MS4A6E: variants seen among roughly 807,000 people sequenced by gnomAD.
MS4A6E encodes the protein membrane spanning 4-domains A6E.
A neutral mutation model predicts 13.2 loss-of-function variants in MS4A6E; 8 were observed. That is an observed-to-expected ratio of 0.60 (90% confidence interval 0.35 to 1.09). MS4A6E has a LOEUF of 1.09. Among genes scored for constraint, MS4A6E ranks in the 50% least tolerant of loss-of-function variants. The pLI, the probability that MS4A6E is intolerant of heterozygous loss-of-function variation, is 0.02. For missense variants in MS4A6E, 177 were observed against 171.1 expected (o/e 1.03, Z -0.19); for synonymous variants, 72 against 67.6 (o/e 1.06, Z -0.32).
chr11:60,330,699 T>C (rs1242718609), intron 1 of MS4A6E, among the ~76,000 whole-genome samples: 2 of 152,216 alleles, frequency 1.3e-5, no homozygotes, highest in East Asian at 1.9e-4. Flanking sequence ...CCTATGCCTA[T>C]GTCCTGAATG....
chr11:60,337,649 A>T, intron 2 of MS4A6E, 92 bp from the exon 3 acceptor site: 1 of 1,481,808 alleles, frequency 6.7e-7, no homozygotes, highest in South Asian at 1.2e-5. Flanking sequence ...AGGGAGACAG[A>T]TAAGGGAATA....
At chr11:60,340,002 T>A in intron 4 of MS4A6E, 38 bp downstream of exon 4, 1 of 1,607,192 alleles carries the variant, frequency 6.2e-7, no homozygotes, top group Non-Finnish European at 8.5e-7. Flanking sequence ...TCTTGCCTAG[T>A]GTATCTTATC....
chr11:60,340,004 T>C (rs770049775), intron 4 of MS4A6E, 40 bp downstream of exon 4: 3 of 1,606,340 alleles, frequency 1.9e-6, no homozygotes, highest in African/African-American at 2.7e-5. Context: ...TTGCCTAGTG[T>C]ATCTTATCTC....
At chr11:60,330,786 T>C (rs2085150520) in intron 1 of MS4A6E, among the ~76,000 whole-genome samples, 1 of 152,238 alleles carries the variant, frequency 6.6e-6, no homozygotes, top group African/African-American at 2.4e-5. Flanking sequence ...CTTGAGTTAA[T>C]TTTTGAATAA....
rs192111703 is a variant in MS4A6E at position 60,347,654 on chromosome 11, G to A, written c.*162+6726G>A. 1.4e-3 allele frequency among the ~76,000 whole-genome samples: 210 copies of A among 151,884 alleles called. 2 individuals are homozygous for A. The highest frequency in any genetic ancestry group is 0.012 in the Admixed American group (185 of 15,260). ...CACAGGGTGGAGGCGAAGACAGTGA[G>A]GGCATCCACCCTACTGTTTTCTCTC... is the stretch of plus-strand genomic sequence containing the variant. On this transcript the variant is annotated intron_variant and NMD_transcript_variant, in intron 4 of 4. Transcript: ENST00000532756.
chr11:60,341,915 A>G (rs1222073877), downstream of MS4A6E, among the ~76,000 whole-genome samples: 1 of 152,118 alleles, frequency 6.6e-6, no homozygotes, highest in Non-Finnish European at 1.5e-5. Flanking sequence ...ACTTTTATTG[A>G]TACTTATTGG....
chr11:60,343,315 C>CT (rs2085240268), downstream of MS4A6E, among the ~76,000 whole-genome samples: 1 of 152,112 alleles, frequency 6.6e-6, no homozygotes, highest in Non-Finnish European at 1.5e-5. Context: ...GCTTACTTTA[C>CT]TAGACGCGTT....
chr11:60,339,221 T>C (rs2085208316), intron 3 of MS4A6E, among the ~76,000 whole-genome samples: 1 of 152,188 alleles, frequency 6.6e-6, no homozygotes, highest in East Asian at 1.9e-4. Flanking sequence ...TGTTGGTGAT[T>C]AGCAACAGTT....
At chr11:60,347,707 T>A (rs2085262486) in intron 4 of MS4A6E, among the ~76,000 whole-genome samples, 1 of 152,134 alleles carries the variant, frequency 6.6e-6, no homozygotes. Context: ...CAGCACCTTG[T>A]TAAATGTGCT....
At chr11:60,330,800 G>A (rs551328321) in intron 1 of MS4A6E, among the ~76,000 whole-genome samples, 21 of 152,278 alleles carry the variant, frequency 1.4e-4, no homozygotes, top group African/African-American at 4.1e-4. Flanking sequence ...TGAATAAGCT[G>A]TAAGGAAGTG....
downstream of MS4A6E, among the ~76,000 whole-genome samples, chr11:60,342,172 TGTGTGTGAGA>T (rs1323171741): frequency 1.3e-4 from 4 of 31,708 alleles, no homozygotes; most frequent in Non-Finnish European, 2.6e-4. Flanking sequence ...TGTGTGTGTG[TGTGTGTGAGA>T]GAGAGAGAGA....
chr11:60,348,933 A>G (rs1373063), intron 4 of MS4A6E, among the ~76,000 whole-genome samples: 152,012 of 152,290 alleles, frequency 1, 75,868 homozygotes, highest in Middle Eastern at 1. Flanking sequence ...ATTGAGGTCC[A>G]CTTCTATACT....
chr11:60,328,518 CTG>C (rs1315473734), intron 1 of MS4A6E, among the ~76,000 whole-genome samples: 1 of 136,710 alleles, frequency 7.3e-6, no homozygotes, highest in East Asian at 2.1e-4. Flanking sequence ...AATGGATAAA[CTG>C]TGAGATACAC....
chr11:60,336,419 C>T (rs1187038251), intron 2 of MS4A6E, among the ~76,000 whole-genome samples: 2 of 152,038 alleles, frequency 1.3e-5, no homozygotes, highest in African/African-American at 4.8e-5. Flanking sequence ...ATATATGGGC[C>T]TCTTACTCCA....
intron 3 of MS4A6E, among the ~76,000 whole-genome samples, chr11:60,339,359 T>C (rs895964205): frequency 1.3e-5 from 2 of 152,222 alleles, no homozygotes; most frequent in African/African-American, 2.4e-5. Context: ...TACTGAATTT[T>C]ACAAAGGGCT....
intron 3 of MS4A6E, 63 bp downstream of exon 3, chr11:60,338,010 T>C: frequency 6.6e-7 from 1 of 1,509,892 alleles, no homozygotes; most frequent in African/African-American, 1.4e-5. Flanking sequence ...TGATTTCTTA[T>C]TATTCCATCC....
At chr11:60,334,683 T>C (rs2304936) in intron 1 of MS4A6E, 199 bp from the exon 2 acceptor site, 173,652 of 583,340 alleles carry the variant, frequency 0.3, 29,596 homozygotes, top group Admixed American at 0.35. Flanking sequence ...TTATTATCTA[T>C]AATGGACTGT....
At chr11:60,333,090 G>A (rs1231900491) in intron 1 of MS4A6E, among the ~76,000 whole-genome samples, 1 of 152,224 alleles carries the variant, frequency 6.6e-6, no homozygotes, top group Non-Finnish European at 1.5e-5. Context: ...TTGTGAAATA[G>A]CTTATGCTGA....
chr11:60,327,714 A>G (rs2085128536), intron 1 of MS4A6E, among the ~76,000 whole-genome samples: 1 of 152,158 alleles, frequency 6.6e-6, no homozygotes, highest in African/African-American at 2.4e-5. Flanking sequence ...GTGGTGTCAG[A>G]TGAAAATGAG....
Sources: gnomAD v4.1 joint callset for allele counts (sites outside exome capture counted in the v4.1 genomes callset) on GRCh38, gnomAD v4.1.1 for gene constraint, MANE v1.5 for transcripts, NCBI Gene and HGNC (gene_info 2026-07-23, HGNC 2026-07-21) for gene names.